The following HS3ST5 variants were observed in gnomAD, a reference collection of about 807,000 sequenced individuals.
HS3ST5 encodes heparan sulfate-glucosamine 3-sulfotransferase 5.
A neutral mutation model predicts 25.4 loss-of-function variants in HS3ST5; 10 were observed. The observed-to-expected ratio is 0.39, with a 90% CI of 0.24 to 0.67. The LOEUF is 0.67. Ranked by LOEUF, HS3ST5 falls within the 30% of genes least tolerant of loss-of-function variation. The pLI is 0.44. For missense variants in HS3ST5, 324 were observed against 420.7 expected, an observed-to-expected ratio of 0.77 and a Z score of 2.01; for synonymous variants, 170 against 162.4, an observed-to-expected ratio of 1.05 and a Z score of -0.36.
intron 2 of HS3ST5, among the ~76,000 whole-genome samples, chr6:114,204,714 C>T (rs1781193637): frequency 6.6e-6 from 1 of 151,948 alleles, no homozygotes; most frequent in African/African-American, 2.4e-5. Context: ...TTTGAGTTGT[C>T]TTGTCCACTT....
chr6:114,152,412 T>C (rs980531497), intron 3 of HS3ST5, among the ~76,000 whole-genome samples: 1 of 152,218 alleles, frequency 6.6e-6, no homozygotes, highest in Non-Finnish European at 1.5e-5. Flanking sequence ...CTTAACTTTT[T>C]ACATTTTTCA....
Position 114,144,342 on chromosome 6 carries a change from G to T in HS3ST5, c.-33+24009C>A, listed in dbSNP as rs114196878. ...AGCGAAGAGTTCACATTATTAACTG[G>T]ATTTCCCACCAGTCATTGTTCAAAG... is the stretch of plus-strand genomic sequence containing the variant. On this transcript the variant is annotated intron_variant, in intron 3 of 4. Coordinates refer to ENST00000312719, the MANE Select transcript of HS3ST5 (RefSeq NM_153612.4). Among the ~76,000 whole-genome samples the T allele has an allele frequency of 3.5e-3, 532 of 150,962 alleles. 1 individual carries two copies. Among genetic ancestry groups the T allele is most frequent in the African/African-American group, 0.013 (512 of 40,828 alleles).
At chr6:114,109,065 A>C (rs565219384) in intron 3 of HS3ST5, among the ~76,000 whole-genome samples, 68 of 152,184 alleles carry the variant, frequency 4.5e-4, no homozygotes, top group African/African-American at 1.5e-3. Context: ...CAGGAGGCTG[A>C]GCCAGGAGGA....
intron 1 of HS3ST5, among the ~76,000 whole-genome samples, chr6:114,229,929 C>G (rs1365080372): frequency 6.6e-6 from 1 of 152,128 alleles, no homozygotes; most frequent in Non-Finnish European, 1.5e-5. Context: ...TGAAATTCTA[C>G]CTGTGTAAAC....
chr6:114,188,879 T>G lies in HS3ST5; in HGVS notation c.-144-20417A>C, dbSNP rs570305270. On this transcript the variant is annotated intron_variant, in intron 2 of 4. Coordinates refer to ENST00000312719, the MANE Select transcript of HS3ST5 (RefSeq NM_153612.4). The stretch of plus-strand genomic sequence containing the variant: ...CACATAGCATTAGGTTTTCTGTTAA[T>G]TTCCCTCTTTTGGAGAAATCTCTTA... Among the ~76,000 whole-genome samples, 28 of 152,310 alleles carry G rather than the reference T, an allele frequency of 1.8e-4. 1 individual carries two copies. In the South Asian group the frequency reaches 5.8e-3, roughly 32 times the overall value.
At chr6:114,325,246 T>G (rs1776127945) in intron 1 of HS3ST5, among the ~76,000 whole-genome samples, 1 of 152,178 alleles carries the variant, frequency 6.6e-6, no homozygotes, top group African/African-American at 2.4e-5. Context: ...GGTTAGTTAC[T>G]CAGTCACAAT....
intron 1 of HS3ST5, among the ~76,000 whole-genome samples, chr6:114,309,563 T>C (rs1460972198): frequency 6.6e-6 from 1 of 152,052 alleles, no homozygotes; most frequent in African/African-American, 2.4e-5. Context: ...AGAAACCCTA[T>C]CTCTATTAAA....
At chr6:114,081,240 A>T (rs942726936) in intron 3 of HS3ST5, among the ~76,000 whole-genome samples, 1 of 152,222 alleles carries the variant, frequency 6.6e-6, no homozygotes, top group Admixed American at 6.5e-5. Flanking sequence ...ATAATGAAAA[A>T]GTTTAAAATA....
intron 2 of HS3ST5, among the ~76,000 whole-genome samples, chr6:114,175,425 C>G (rs2115012578): frequency 6.6e-6 from 1 of 152,314 alleles, no homozygotes; most frequent in Non-Finnish European, 1.5e-5. Flanking sequence ...GGAATTGGTT[C>G]AGGGTTCTTT....
intron 2 of HS3ST5, among the ~76,000 whole-genome samples, chr6:114,200,817 A>C (rs1048562505): frequency 2.0e-5 from 3 of 152,242 alleles, no homozygotes; most frequent in Non-Finnish European, 2.9e-5. Context: ...TTCTTTAGGC[A>C]TGCAAGCAAC....
At chr6:114,248,442 T>C (rs967915046) in intron 1 of HS3ST5, among the ~76,000 whole-genome samples, 8 of 151,780 alleles carry the variant, frequency 5.3e-5, no homozygotes, top group Non-Finnish European at 8.8e-5. Flanking sequence ...ATGTTAGTTT[T>C]GCTAAATTTA....
chr6:114,258,359 G>GA (rs1773024654), intron 1 of HS3ST5, among the ~76,000 whole-genome samples: 1 of 152,018 alleles, frequency 6.6e-6, no homozygotes, highest in African/African-American at 2.4e-5. Flanking sequence ...CATTTAGATT[G>GA]AAAAAAAGAA....
chr6:114,072,359 G>A (rs1049547403), intron 3 of HS3ST5, among the ~76,000 whole-genome samples: 7 of 152,086 alleles, frequency 4.6e-5, no homozygotes, highest in African/African-American at 1.7e-4. Flanking sequence ...ATGTGGTGAT[G>A]CCCATCCACT....
At chr6:114,093,406 T>TGTGTG (rs1775245335) in intron 3 of HS3ST5, among the ~76,000 whole-genome samples, 1 of 149,980 alleles carries the variant, frequency 6.7e-6, no homozygotes, top group Admixed American at 6.7e-5. Context: ...TGTCTGGATG[T>TGTGTG]TTTCTGTCTG....
At chr6:114,166,808 G>A (rs1403741087) in intron 3 of HS3ST5, among the ~76,000 whole-genome samples, 9 of 151,946 alleles carry the variant, frequency 5.9e-5, no homozygotes, top group Non-Finnish European at 5.9e-5. Context: ...TTGTTGAGTT[G>A]CATTTTAGCC....
At chr6:114,290,409 T>C (rs961578141) in intron 1 of HS3ST5, among the ~76,000 whole-genome samples, 2 of 152,144 alleles carry the variant, frequency 1.3e-5, no homozygotes, top group African/African-American at 2.4e-5. Context: ...TCTTTAAAGA[T>C]GTCATGGTAC....
At chr6:114,146,599 T>TA (rs1441220465) in intron 3 of HS3ST5, among the ~76,000 whole-genome samples, 1 of 152,200 alleles carries the variant, frequency 6.6e-6, no homozygotes, top group African/African-American at 2.4e-5. Flanking sequence ...TCCTAAGTGA[T>TA]ACGGTTTGTA....
chr6:114,230,813 C>T (rs1473592553), intron 1 of HS3ST5, among the ~76,000 whole-genome samples: 2 of 152,022 alleles, frequency 1.3e-5, no homozygotes, highest in Non-Finnish European at 1.5e-5. Context: ...TGGTTTCAAA[C>T]TCCTGACCTC....
At chr6:114,165,914 G>T (rs1779188079) in intron 3 of HS3ST5, among the ~76,000 whole-genome samples, 1 of 152,096 alleles carries the variant, frequency 6.6e-6, no homozygotes, top group Admixed American at 6.6e-5. Context: ...AGGCACGCTG[G>T]CTCCTGCCTA....
Sources: gnomAD v4.1 joint callset for allele counts (sites outside exome capture counted in the v4.1 genomes callset) on GRCh38, gnomAD v4.1.1 for gene constraint, MANE v1.5 for transcripts, NCBI Gene and HGNC (gene_info 2026-07-23, HGNC 2026-07-21) for gene names.